MMADHC: variants seen among roughly 807,000 people sequenced by gnomAD.
The protein encoded by MMADHC is metabolism of cobalamin associated D, also known as cobalamin trafficking protein CblD.
In MMADHC, 23 loss-of-function variants were observed where a neutral mutation model predicts 36.3. That is an observed-to-expected ratio of 0.63 (90% CI 0.46 to 0.90). The LOEUF is 0.90. Among genes scored for constraint, MMADHC ranks in the 40% least tolerant of loss-of-function variants. The pLI, the probability that MMADHC is intolerant of heterozygous loss-of-function variation, is 0.00. For synonymous variants in MMADHC, 97 were observed against 116.1 expected (o/e 0.84, Z 1.06); for missense variants, 330 against 348.0 (o/e 0.95, Z 0.41).
At chr2:149,586,679 T>C (rs890446805) in intron 2 of MMADHC, among the ~76,000 whole-genome samples, 1 of 152,210 alleles carries the variant, frequency 6.6e-6, no homozygotes, top group African/African-American at 2.4e-5. Flanking sequence ...GAGTATCTCC[T>C]ATTCTTATTT....
intron 6 of MMADHC, among the ~76,000 whole-genome samples, chr2:149,571,690 G>A (rs1275780403): frequency 1.3e-5 from 2 of 151,424 alleles, no homozygotes; most frequent in Non-Finnish European, 2.9e-5. Flanking sequence ...TGAGGCAGGA[G>A]AATGGCGTGA....
intron 4 of MMADHC, among the ~76,000 whole-genome samples, chr2:149,578,834 CA>C (rs1239628326): frequency 6.6e-6 from 1 of 151,340 alleles, no homozygotes; most frequent in African/African-American, 2.4e-5. Flanking sequence ...TGATAACCAT[CA>C]GGGGTTTGAC....
intron 5 of MMADHC, among the ~76,000 whole-genome samples, chr2:149,576,189 G>A (rs1169747865): frequency 6.6e-6 from 1 of 152,114 alleles, no homozygotes; most frequent in Non-Finnish European, 1.5e-5. Flanking sequence ...TCACCCAGGA[G>A]TAAAAATGAC....
In MMADHC at chr2:149,582,222, G is replaced by A. The variant is rs1472806613; in HGVS notation, c.59C>T (p.Ser20Phe). Residue 20 changes from serine (S) to phenylalanine (F), a missense_variant, in exon 3 of 8, where the codon TCT (serine) becomes TTT (phenylalanine). Physicochemically the swap from Ser to Phe is radical, Grantham distance 155. Coordinates refer to ENST00000303319, the MANE Select transcript of MMADHC (RefSeq NM_015702.3). The stretch of plus-strand genomic sequence containing the variant: ...GGGATTGACAACCCTTTTAACTAAA[G>A]AGCAAAATCCTGGGAGATAGGAAAC... ...RLVSYLPGFC[S>F]LVKRVVNPKA... 1.2e-6 allele frequency: 2 copies of A among 1,613,882 alleles called. No individual in the cohort carries two copies. Among genetic ancestry groups the A allele is most frequent in the Non-Finnish European group, 1.7e-6 (2 of 1,179,854 alleles).
Position 149,571,143 on chromosome 2 carries a change from T to C in MMADHC, c.638A>G (p.Tyr213Cys), listed in dbSNP as rs376590291. ...CCAATAACCCTCAGCTCGAAGAGCA[T>C]AGCAAATTTCCTTAGCACCATTGAT... is the stretch of plus-strand genomic sequence containing the variant. ...KFINGAKEIC[Y>C]ALRAEGYWAD... The change falls in exon 7 of 8, where the codon TAT becomes TGT. Residue 213 changes from tyrosine (Y) to cysteine (C), a missense_variant. Tyr to Cys is a radical substitution (Grantham distance 194, BLOSUM62 -2). Coordinates refer to ENST00000303319, the MANE Select transcript of MMADHC (RefSeq NM_015702.3). 2.9e-5 allele frequency: 47 copies of C among 1,611,916 alleles called. No individual in the cohort carries two copies. The highest frequency in any genetic ancestry group is 3.3e-5 in the Non-Finnish European group (39 of 1,178,654).
chr2:149,579,525 C>T lies in MMADHC; in HGVS notation c.278G>A (p.Ser93Asn). The part of the protein sequence containing the change: ...HLNGTASQKK[S>N]LVHKTLPDVL... ...ATCAGGCAAAGTTTTATGAACCAGGCTTTTCTTCTGTGAAGCAGTCCCATT... is the reference window on the plus strand; with the variant it reads ...ATCAGGCAAAGTTTTATGAACCAGGTTTTTCTTCTGTGAAGCAGTCCCATT... The change falls in exon 4 of 8, where the codon AGC (serine) becomes AAC (asparagine). Residue 93 changes from serine to asparagine, a missense_variant. Coordinates refer to ENST00000303319, the MANE Select transcript of MMADHC (RefSeq NM_015702.3). 1 of 1,613,576 alleles carries T rather than the reference C, an allele frequency of 6.2e-7. No homozygotes were observed. Among genetic ancestry groups the T allele is most frequent in the Non-Finnish European group, 8.5e-7 (1 of 1,179,970 alleles).
chr2:149,582,663 T>G lies in MMADHC; in HGVS notation c.10-392A>C, dbSNP rs1200844970. Among the ~76,000 whole-genome samples the G allele has an allele frequency of 2.0e-5, 3 of 152,162 alleles. No homozygotes were observed. The East Asian group carries it at 5.8e-4, about 29-fold the overall frequency. ...TCTCTTTGGACCAAAATCTGTTACT[T>G]TCGAACTTTTCTCTCTTCTTTTACT... On this transcript the variant is annotated intron_variant, in intron 2 of 7. Transcript: ENST00000303319.
At chr2:149,587,339 G>A (rs1052647159) in intron 1 of MMADHC, 190 bp from the exon 2 acceptor site, 49 of 593,560 alleles carry the variant, frequency 8.3e-5, no homozygotes, top group Non-Finnish European at 1.4e-4. Flanking sequence ...GGAGCCGGCA[G>A]TGCAGCTCAG....
chr2:149,574,675 C>T (rs1460983615), intron 6 of MMADHC, among the ~76,000 whole-genome samples: 2 of 152,120 alleles, frequency 1.3e-5, no homozygotes, highest in Non-Finnish European at 2.9e-5. Flanking sequence ...TAGATACACA[C>T]TGATTCAGCA....
chr2:149,572,749 T>C (rs756184346), intron 6 of MMADHC, among the ~76,000 whole-genome samples: 1 of 152,126 alleles, frequency 6.6e-6, no homozygotes, highest in African/African-American at 2.4e-5. Flanking sequence ...GGCTGAGCTG[T>C]GCACTCATGA....
rs377625357 is a variant in MMADHC, at chr2:149,572,681, C to G, written c.610-1510G>C. On this transcript the variant is annotated intron_variant, in intron 6 of 7. Coordinates refer to ENST00000303319, the MANE Select transcript of MMADHC (RefSeq NM_015702.3). Reference sequence around the variant, plus strand: ...CAAGGTACTGGAAAAGGAGGAGATACATAAAATGGGCTCCTGAGTTAGTCT... The same window carrying G: ...CAAGGTACTGGAAAAGGAGGAGATAGATAAAATGGGCTCCTGAGTTAGTCT... Among the ~76,000 whole-genome samples, 9 of 152,182 alleles carry G rather than the reference C, an allele frequency of 5.9e-5. No homozygotes were observed. In the East Asian group the frequency reaches 9.7e-4, roughly 16 times the overall value.
intron 2 of MMADHC, among the ~76,000 whole-genome samples, chr2:149,583,902 T>C (rs1180630498): frequency 2.0e-5 from 3 of 152,186 alleles, no homozygotes; most frequent in African/African-American, 4.8e-5. Flanking sequence ...AGAATTCTTC[T>C]GCTAAAAGAT....
intron 4 of MMADHC, among the ~76,000 whole-genome samples, chr2:149,579,008 C>G (rs1304365563): frequency 1.5e-5 from 2 of 137,452 alleles, no homozygotes; most frequent in Non-Finnish European, 3.1e-5. Flanking sequence ...TTTACTATAT[C>G]TGAACAATTT....
At chr2:149,574,947 G>A (rs1385273516) in intron 6 of MMADHC, among the ~76,000 whole-genome samples, 2 of 151,984 alleles carry the variant, frequency 1.3e-5, no homozygotes, top group South Asian at 2.1e-4. Flanking sequence ...CTACAGGTGC[G>A]CACCACTAAA....
chr2:149,587,184 G>C, intron 1 of MMADHC, 35 bp from the exon 2 acceptor site: 7 of 1,273,104 alleles, frequency 5.5e-6, no homozygotes, highest in Non-Finnish European at 8.0e-6. Context: ...ACGAGTGATC[G>C]ATTAAACTCT....
chr2:149,582,116 CT>C lies in MMADHC; in HGVS notation c.154+10del. Reference sequence around the variant, plus strand: ...ACAATTATAAGTAAAGCAGTAACAACTTTCACTTACATATATCTGGAGGTGC... The same window carrying C: ...ACAATTATAAGTAAAGCAGTAACAACTTCACTTACATATATCTGGAGGTGC... On this transcript the variant is annotated intron_variant, in intron 3 of 7. Transcript: ENST00000303319. 6.2e-7 allele frequency: 1 copy of C among 1,613,436 alleles called. No homozygotes were observed. Among genetic ancestry groups the C allele is most frequent in the Non-Finnish European group, 8.5e-7 (1 of 1,179,536 alleles).
At chr2:149,582,355 T>C (rs950930574) in intron 2 of MMADHC, 84 bp from the exon 3 acceptor site, 36 of 1,418,388 alleles carry the variant, frequency 2.5e-5, no homozygotes, top group African/African-American at 8.6e-5. Flanking sequence ...ATCTTCACAC[T>C]GCAAGGTTCT....
At chr2:149,574,760 T>C (rs1682689209) in intron 6 of MMADHC, among the ~76,000 whole-genome samples, 1 of 152,238 alleles carries the variant, frequency 6.6e-6, no homozygotes, top group Non-Finnish European at 1.5e-5. Flanking sequence ...GCTTGTTGCC[T>C]ATAATAGCAA....
At chr2:149,581,070 C>A (rs1167278035) in intron 3 of MMADHC, among the ~76,000 whole-genome samples, 1 of 152,180 alleles carries the variant, frequency 6.6e-6, no homozygotes, top group Non-Finnish European at 1.5e-5. Context: ...TCCCTAGATT[C>A]TCTTTACAGA....
Sources: allele counts gnomAD v4.1 joint callset (sites outside exome capture counted in the v4.1 genomes callset), GRCh38; gene constraint gnomAD v4.1.1; transcripts MANE v1.5; gene names NCBI Gene and HGNC (gene_info 2026-07-23, HGNC 2026-07-21).